The following CSMD1 variants were observed in gnomAD, a reference collection of about 807,000 sequenced individuals.
CSMD1 encodes CUB and Sushi multiple domains 1.
CSMD1 carries 213 observed loss-of-function variants against 417.5 expected under a neutral mutation model. The ratio of observed to expected loss-of-function variants is 0.51; its 90% CI spans 0.46 to 0.57. The LOEUF (loss-of-function observed/expected upper bound fraction) is 0.57. Among genes scored for constraint, CSMD1 ranks in the 20% least tolerant of loss-of-function variants. CSMD1 has a pLI of 0.00. For missense variants in CSMD1, 6,923 were observed against 4,529.7 expected (o/e 1.53, Z -15.17); for synonymous variants, 2,862 against 1,736.8 (o/e 1.65, Z -16.11).
intron 1 of CSMD1, among the ~76,000 whole-genome samples, chr8:4,776,954 G>C (rs538663843): frequency 4.7e-4 from 72 of 152,088 alleles, no homozygotes; most frequent in African/African-American, 1.7e-3. Context: ...GTAAAATTAC[G>C]AGCTAACAAT....
At chr8:4,645,567 G>T (rs1803467856) in intron 1 of CSMD1, among the ~76,000 whole-genome samples, 1 of 151,628 alleles carries the variant, frequency 6.6e-6, no homozygotes, top group Non-Finnish European at 1.5e-5. Context: ...ATGGATATGA[G>T]CCCCAGTTTC....
chr8:4,815,135 A>G (rs1008921184), intron 1 of CSMD1, among the ~76,000 whole-genome samples: 6 of 152,176 alleles, frequency 3.9e-5, no homozygotes, highest in African/African-American at 7.2e-5. Context: ...ATCTAGGTCA[A>G]TATCAGGAAG....
intron 10 of CSMD1, among the ~76,000 whole-genome samples, chr8:3,534,979 G>A (rs764572826): frequency 6.6e-6 from 1 of 152,090 alleles, no homozygotes; most frequent in East Asian, 1.9e-4. Context: ...ACAGCATCTG[G>A]CTTTGTCGCC....
At chr8:3,155,116 AATTC>A (rs1819437293) in intron 39 of CSMD1, among the ~76,000 whole-genome samples, 1 of 149,708 alleles carries the variant, frequency 6.7e-6, no homozygotes, top group African/African-American at 2.5e-5. Context: ...AATATAAGTT[AATTC>A]TTTGAATAAA....
intron 23 of CSMD1, among the ~76,000 whole-genome samples, chr8:3,340,951 T>C (rs1807601212): frequency 1.3e-5 from 2 of 152,180 alleles, no homozygotes; most frequent in Admixed American, 6.5e-5. Context: ...TCCTCTCCAA[T>C]ATTTCTTTCT....
intron 4 of CSMD1, among the ~76,000 whole-genome samples, chr8:4,025,151 G>T (rs1271040034): frequency 2.0e-5 from 3 of 152,226 alleles, no homozygotes; most frequent in Non-Finnish European, 4.4e-5. Context: ...ATTTTCCATG[G>T]ATGTGAGCTC....
At chr8:3,055,009 A>G (rs1199374704) in intron 49 of CSMD1, among the ~76,000 whole-genome samples, 1 of 152,120 alleles carries the variant, frequency 6.6e-6, no homozygotes, top group Non-Finnish European at 1.5e-5. Flanking sequence ...CACTCTGAAA[A>G]TCACGTGTTC....
At chr8:3,252,813 T>G (rs1181679999) in intron 26 of CSMD1, among the ~76,000 whole-genome samples, 2 of 152,222 alleles carry the variant, frequency 1.3e-5, no homozygotes, top group East Asian at 3.8e-4. Context: ...GTCCAGAAAT[T>G]TATCCATTTC....
intron 6 of CSMD1, among the ~76,000 whole-genome samples, chr8:3,741,470 T>G (rs986572642): frequency 2.0e-5 from 3 of 152,144 alleles, no homozygotes; most frequent in Admixed American, 6.5e-5. Flanking sequence ...GAGTAGCAAT[T>G]TTACATATTT....
intron 10 of CSMD1, among the ~76,000 whole-genome samples, chr8:3,541,849 G>A (rs1043843823): frequency 6.6e-6 from 1 of 151,762 alleles, no homozygotes; most frequent in Non-Finnish European, 1.5e-5. Context: ...ACACTTTGAT[G>A]TTAGGAGTTC....
At chr8:4,970,814 C>A (rs78386054) in intron 1 of CSMD1, among the ~76,000 whole-genome samples, 2 of 151,908 alleles carry the variant, frequency 1.3e-5, no homozygotes, top group East Asian at 3.9e-4. Flanking sequence ...CCAGGTAATA[C>A]CCTAGCTCTA....
rs552253319 is a variant in CSMD1 at position 4,403,909 on chromosome 8, C to A, written c.415+16044G>T. On this transcript the variant is annotated intron_variant, in intron 3 of 69. Transcript: ENST00000635120. ...GATTCTCACATCCCCTACCCACACC[C>A]GCATTAACTCCAATCTTCGCCTTTT... Among the ~76,000 whole-genome samples, 6 of 152,296 alleles carry A rather than the reference C, an allele frequency of 3.9e-5. No homozygotes were observed. The East Asian group carries it at 5.8e-4, about 15-fold the overall frequency.
chr8:4,226,065 CGG>C (rs1434102317), intron 3 of CSMD1, among the ~76,000 whole-genome samples: 2 of 78,014 alleles, frequency 2.6e-5, no homozygotes, highest in South Asian at 5.3e-4. Flanking sequence ...AGCTGACAGG[CGG>C]ACACACACAC....
rs370712015 is a variant in CSMD1 at position 2,978,702 on chromosome 8, G to A, written c.8476C>T (p.His2826Tyr). Residue 2826 changes from histidine (H) to tyrosine (Y), a missense_variant, in exon 55 of 70, where the codon CAT becomes TAT. Transcript: ENST00000635120. ...SFEYGMSILY[H>Y]CKKGFYLLGS... Reference sequence around the variant, plus strand: ...AGCAAGTAAAATCCCTTCTTGCAATGGTACAGGATACTCATTCCATACTCA... The same window carrying A: ...AGCAAGTAAAATCCCTTCTTGCAATAGTACAGGATACTCATTCCATACTCA... The A allele has an allele frequency of 3.1e-6, 5 of 1,612,652 alleles. 1 individual carries two copies. In the South Asian group the frequency reaches 3.3e-5, roughly 11 times the overall value.
At chr8:3,739,898 G>A (rs113829007) in intron 6 of CSMD1, among the ~76,000 whole-genome samples, 14 of 152,246 alleles carry the variant, frequency 9.2e-5, no homozygotes, top group African/African-American at 3.1e-4. Flanking sequence ...AATGCTGGTT[G>A]CAGCCTTCAA....
chr8:4,175,540 G>C (rs934156954), intron 3 of CSMD1, among the ~76,000 whole-genome samples: 4 of 152,076 alleles, frequency 2.6e-5, no homozygotes, highest in Non-Finnish European at 4.4e-5. Context: ...GATAAATGTA[G>C]ACATGATAAA....
chr8:4,703,153 T>C (rs992533700), intron 1 of CSMD1, among the ~76,000 whole-genome samples: 5 of 152,226 alleles, frequency 3.3e-5, no homozygotes, highest in Admixed American at 6.5e-5. Flanking sequence ...GAAAAAAGTA[T>C]GGATCTCCAT....
intron 1 of CSMD1, among the ~76,000 whole-genome samples, chr8:4,748,338 A>G (rs892002571): frequency 6.6e-6 from 1 of 152,272 alleles, no homozygotes; most frequent in Admixed American, 6.5e-5. Flanking sequence ...AAATGTGTGC[A>G]TATGGAAATT....
chr8:4,598,970 G>C lies in CSMD1; in HGVS notation c.302+38372C>G, dbSNP rs541790698. 1.2e-3 allele frequency among the ~76,000 whole-genome samples: 176 copies of C among 152,280 alleles called. 1 individual carries two copies. Among genetic ancestry groups the C allele is most frequent in the African/African-American group, 3.9e-3 (161 of 41,556 alleles). On this transcript the variant is annotated intron_variant, in intron 2 of 69. Coordinates refer to ENST00000635120, the MANE Select transcript of CSMD1 (RefSeq NM_033225.6). The stretch of plus-strand genomic sequence containing the variant: ...AAATCAAATGTTAAACCAATTGTTA[G>C]TCTTCCAAGAAAGTTACGTGTACCA...
Sources: allele counts gnomAD v4.1 joint callset (sites outside exome capture counted in the v4.1 genomes callset), GRCh38; gene constraint gnomAD v4.1.1; transcripts MANE v1.5; gene names NCBI Gene and HGNC (gene_info 2026-07-23, HGNC 2026-07-21).